DCDC1: variants seen among roughly 807,000 people sequenced by gnomAD.
DCDC1 encodes doublecortin domain containing 1, also known as doublecortin domain-containing protein 1.
In DCDC1, 200 loss-of-function variants were observed where a neutral mutation model predicts 178.3. That is an observed-to-expected ratio of 1.12 (90% CI 1.00 to 1.26). The LOEUF (loss-of-function observed/expected upper bound fraction) is 1.26. Among genes scored for constraint, DCDC1 ranks in the 50% most tolerant of loss-of-function variants. DCDC1 has a pLI of 0.00. For synonymous variants in DCDC1, 690 were observed against 604.8 expected, an observed-to-expected ratio of 1.14 and a Z score of -2.07; for missense variants, 1,983 against 1,749.2, an observed-to-expected ratio of 1.13 and a Z score of -2.38.
rs770756194 is a variant in DCDC1 at position 31,127,484 on chromosome 11, T to A, written c.1470A>T (p.Gly490=). 17 of 702,346 alleles carry A rather than the reference T, an allele frequency of 2.4e-5. No individual in the cohort carries two copies. 43.5% of individuals were successfully genotyped at this position (702,346 alleles called of 1,614,324 possible). A position where few individuals can be genotyped will look rare whatever the true frequency, so the allele number is the denominator to read the frequency against. ...KSLPANTLVP[G]GLQLKVFENG... Reference sequence around the variant, plus strand: ...CGACACCCACCTTAAGCTGCAGGCCTCCTGGGACAAGCGTGTTTGCTGGAA... The same window carrying A: ...CGACACCCACCTTAAGCTGCAGGCCACCTGGGACAAGCGTGTTTGCTGGAA... The change falls in exon 11 of 39, where the codon GGA becomes GGT. Residue 490 remains glycine, a synonymous_variant. Transcript: ENST00000684477.
chr11:30,878,565 C>A lies in DCDC1; in HGVS notation c.*19G>T. ...ATACCAGAAAAATACAGCAGAAAAT[C>A]CGATGGTTCTGATAGGAGTTAATTG... On this transcript the variant is annotated 3_prime_UTR_variant, in exon 38 of 39. Transcript: ENST00000684477. 9 of 1,577,362 alleles carry A rather than the reference C, an allele frequency of 5.7e-6. No individual in the cohort carries two copies. Among genetic ancestry groups the A allele is most frequent in the Non-Finnish European group, 7.7e-6 (9 of 1,166,882 alleles).
intron 9 of DCDC1, among the ~76,000 whole-genome samples, chr11:31,229,019 A>C (rs1975392183): frequency 6.6e-6 from 1 of 152,196 alleles, no homozygotes; most frequent in South Asian, 2.1e-4. Flanking sequence ...AGACCTGTAC[A>C]TATACCCTGC....
At chr11:31,285,318 C>T (rs1019861254) in intron 7 of DCDC1, among the ~76,000 whole-genome samples, 6 of 152,040 alleles carry the variant, frequency 3.9e-5, no homozygotes, top group Non-Finnish European at 5.9e-5. Context: ...CAAGTAATAT[C>T]AATGGACTTT....
At chr11:31,205,232 T>G (rs1971732207) in intron 9 of DCDC1, among the ~76,000 whole-genome samples, 1 of 152,168 alleles carries the variant, frequency 6.6e-6, no homozygotes, top group South Asian at 2.1e-4. Context: ...AAAGTTTTAT[T>G]TACGTATTGT....
At chr11:30,995,412 C>G (rs1490699394) in intron 20 of DCDC1, among the ~76,000 whole-genome samples, 1 of 151,992 alleles carries the variant, frequency 6.6e-6, no homozygotes, top group African/African-American at 2.4e-5. Context: ...CAAGCTGGTT[C>G]TAAAAGTTAT....
intron 9 of DCDC1, among the ~76,000 whole-genome samples, chr11:31,240,639 T>C (rs1977010812): frequency 6.6e-6 from 1 of 151,996 alleles, no homozygotes; most frequent in South Asian, 2.1e-4. Flanking sequence ...ATGAGCCCAG[T>C]TCTAAACTGG....
At chr11:31,308,839 T>A (rs558341676) in intron 3 of DCDC1, among the ~76,000 whole-genome samples, 1 of 152,196 alleles carries the variant, frequency 6.6e-6, no homozygotes, top group South Asian at 2.1e-4. Context: ...TTCCATGTAT[T>A]ACCATAATCG....
chr11:31,196,859 G>A (rs1591373502), intron 9 of DCDC1, among the ~76,000 whole-genome samples: 1 of 152,046 alleles, frequency 6.6e-6, no homozygotes, highest in Non-Finnish European at 1.5e-5. Context: ...TAATGCCTTG[G>A]CCTTTTTGGT....
chr11:31,171,764 G>C (rs772908997), intron 9 of DCDC1, among the ~76,000 whole-genome samples: 9 of 152,118 alleles, frequency 5.9e-5, no homozygotes, highest in Non-Finnish European at 1.2e-4. Flanking sequence ...CTAATATATT[G>C]GCAAAGAGAA....
intron 1 of DCDC1, among the ~76,000 whole-genome samples, chr11:31,364,779 C>G (rs1296017841): frequency 6.6e-6 from 1 of 151,284 alleles, no homozygotes; most frequent in Non-Finnish European, 1.5e-5. Context: ...AAAAGATGAG[C>G]TAGGATTATT....
At chr11:31,185,246 C>T (rs1969336918) in intron 9 of DCDC1, among the ~76,000 whole-genome samples, 1 of 152,068 alleles carries the variant, frequency 6.6e-6, no homozygotes, top group Non-Finnish European at 1.5e-5. Context: ...ACATCACACA[C>T]AGGGGCCTGT....
chr11:31,028,703 TG>T (rs1733578367), intron 20 of DCDC1, among the ~76,000 whole-genome samples: 1 of 151,950 alleles, frequency 6.6e-6, no homozygotes, highest in Non-Finnish European at 1.5e-5. Flanking sequence ...CATACAAGAT[TG>T]TGTTTTCCCC....
chr11:31,220,507 C>A (rs944248726), intron 9 of DCDC1, among the ~76,000 whole-genome samples: 12 of 152,166 alleles, frequency 7.9e-5, no homozygotes, highest in African/African-American at 2.9e-4. Flanking sequence ...AATAACCTCA[C>A]AAGATTGAAG....
intron 2 of DCDC1, among the ~76,000 whole-genome samples, chr11:31,330,030 T>C (rs1949881297): frequency 6.6e-6 from 1 of 152,212 alleles, no homozygotes; most frequent in Admixed American, 6.5e-5. Flanking sequence ...TGTAAAAGCA[T>C]TCCTATTTCT....
At chr11:31,072,067 A>C (rs1047662751) in intron 18 of DCDC1, among the ~76,000 whole-genome samples, 2 of 152,222 alleles carry the variant, frequency 1.3e-5, no homozygotes, top group African/African-American at 4.8e-5. Flanking sequence ...GCAATAGATA[A>C]CTGATACATA....
intron 18 of DCDC1, among the ~76,000 whole-genome samples, chr11:31,074,533 C>T (rs550471636): frequency 6.6e-6 from 1 of 152,234 alleles, no homozygotes; most frequent in East Asian, 1.9e-4. Flanking sequence ...GCATTTGTCC[C>T]CTCCAGAGGA....
chr11:30,916,919 TCTTTGGAAGA>T lies in DCDC1; in HGVS notation c.3393_3402del (p.Ser1131ArgfsTer42). 6.2e-7 allele frequency: 1 copy of T among 1,609,846 alleles called. No individual in the cohort carries two copies. ...TTTTCAAAGAGCCCTTTTTCCGTTT[TCTTTGGAAGA>T]CTGTCATCCTCATCAAAGTCATGTG... is the stretch of plus-strand genomic sequence containing the variant. On this transcript the variant is annotated frameshift_variant, in exon 26 of 39. Transcript: ENST00000684477. LOFTEE classifies it high-confidence loss of function.
chr11:30,980,065 A>G (rs1418434394), intron 20 of DCDC1, among the ~76,000 whole-genome samples: 4 of 152,202 alleles, frequency 2.6e-5, no homozygotes, highest in Non-Finnish European at 4.4e-5. Context: ...TGTGGACATC[A>G]TAAAATTCAG....
chr11:30,996,648 G>A (rs1951289439), intron 20 of DCDC1, among the ~76,000 whole-genome samples: 2 of 152,302 alleles, frequency 1.3e-5, no homozygotes, highest in African/African-American at 4.8e-5. Flanking sequence ...GCAGCACCAA[G>A]GCACAGTCTT....
Sources: allele counts gnomAD v4.1 joint callset (sites outside exome capture counted in the v4.1 genomes callset), GRCh38; gene constraint gnomAD v4.1.1; transcripts MANE v1.5; gene names NCBI Gene and HGNC (gene_info 2026-07-23, HGNC 2026-07-21).